PCSK6: variants seen among roughly 807,000 people sequenced by gnomAD.
PCSK6 encodes the protein paired basic amino acid cleaving enzyme 4.
PCSK6 carries 85 observed loss-of-function variants against 123.3 expected under a neutral mutation model. That is an observed-to-expected ratio of 0.69 (90% confidence interval 0.58 to 0.83). PCSK6 has a LOEUF of 0.83. PCSK6 is among the 40% of genes least tolerant of loss of function. The probability of loss-of-function intolerance (pLI) is 0.00; values close to 1 mark genes in which losing one functional copy is unlikely to be tolerated. For missense variants in PCSK6, 1,191 were observed against 1,282.3 expected, an observed-to-expected ratio of 0.93 and a Z score of 1.09; for synonymous variants, 508 against 516.0, an observed-to-expected ratio of 0.98 and a Z score of 0.21.
chr15:101,459,070 A>C (rs1280592133), intron 1 of PCSK6, among the ~76,000 whole-genome samples: 2 of 152,122 alleles, frequency 1.3e-5, no homozygotes, highest in African/African-American at 4.8e-5. Flanking sequence ...ACAGAAGAGA[A>C]ACCCTCTCCA....
chr15:101,322,149 AT>A (rs2141353745), intron 18 of PCSK6, among the ~76,000 whole-genome samples: 1 of 152,282 alleles, frequency 6.6e-6, no homozygotes, highest in South Asian at 2.1e-4. Flanking sequence ...AGACCGAGGG[AT>A]GCAGAGGAGA....
chr15:101,367,073 C>T (rs1170974393), intron 12 of PCSK6, among the ~76,000 whole-genome samples: 2 of 152,170 alleles, frequency 1.3e-5, no homozygotes, highest in Non-Finnish European at 2.9e-5. Context: ...TCCCCCACCC[C>T]CAGCAGTACC....
chr15:101,409,497 A>G (rs554064265), intron 6 of PCSK6, among the ~76,000 whole-genome samples: 1,570 of 151,310 alleles, frequency 0.01, 14 homozygotes, highest in Middle Eastern at 0.017. Flanking sequence ...AGGCAGGAGA[A>G]TGGCGTGAAC....
chr15:101,355,506 C>G (rs117778875), intron 13 of PCSK6, among the ~76,000 whole-genome samples: 1 of 152,226 alleles, frequency 6.6e-6, no homozygotes, highest in Non-Finnish European at 1.5e-5. Flanking sequence ...CCTGGTCAAA[C>G]TGCCTGCAGG....
chr15:101,423,210 T>TA (rs748583082), intron 6 of PCSK6, among the ~76,000 whole-genome samples: 21 of 150,244 alleles, frequency 1.4e-4, no homozygotes, highest in African/African-American at 4.6e-4. Flanking sequence ...TCGGAAACAG[T>TA]AAAAAAAGAG....
chr15:101,390,123 A>G (rs1179915013), intron 8 of PCSK6, among the ~76,000 whole-genome samples: 1 of 152,170 alleles, frequency 6.6e-6, no homozygotes, highest in Non-Finnish European at 1.5e-5. Context: ...AAGCAGATCA[A>G]CCTGGCATGT....
At chr15:101,431,931 AT>A in intron 3 of PCSK6, 58 bp downstream of exon 3, 1 of 1,229,596 alleles carries the variant, frequency 8.1e-7, no homozygotes, top group South Asian at 1.3e-5. Context: ...AAATTAACCC[AT>A]TTCAGAGACC....
chr15:101,445,423 T>C (rs1331543338), intron 1 of PCSK6, among the ~76,000 whole-genome samples: 1 of 152,206 alleles, frequency 6.6e-6, no homozygotes, highest in Non-Finnish European at 1.5e-5. Flanking sequence ...AGCAGGCAGG[T>C]AGTAAGTGCT....
intron 13 of PCSK6, among the ~76,000 whole-genome samples, chr15:101,359,932 TGTAA>T (rs2041161935): frequency 6.6e-6 from 1 of 152,232 alleles, no homozygotes; most frequent in Non-Finnish European, 1.5e-5. Flanking sequence ...CCTGGACTTG[TGTAA>T]GTATCTTTGA....
At chr15:101,342,083 T>C (rs900375325) in intron 13 of PCSK6, among the ~76,000 whole-genome samples, 8 of 133,920 alleles carry the variant, frequency 6.0e-5, no homozygotes, top group African/African-American at 2.2e-4. Flanking sequence ...TGAGCTGACA[T>C]TGTGCCACTG....
intron 13 of PCSK6, among the ~76,000 whole-genome samples, chr15:101,356,894 G>A (rs73493395): frequency 1.3e-5 from 2 of 152,118 alleles, no homozygotes; most frequent in African/African-American, 2.4e-5. Context: ...GATGACTGAT[G>A]TGCTACTCAA....
chr15:101,405,076 C>T (rs2042729577), intron 6 of PCSK6, among the ~76,000 whole-genome samples: 1 of 152,130 alleles, frequency 6.6e-6, no homozygotes, highest in African/African-American at 2.4e-5. Context: ...CATCTATTTT[C>T]CCCAACACTG....
intron 1 of PCSK6, among the ~76,000 whole-genome samples, chr15:101,472,470 T>C (rs189229085): frequency 2.0e-5 from 3 of 152,244 alleles, no homozygotes; most frequent in Non-Finnish European, 4.4e-5. Flanking sequence ...ATCTAATTCA[T>C]GCAACCTGAC....
chr15:101,349,413 C>A (rs368604369), intron 13 of PCSK6, among the ~76,000 whole-genome samples: 5 of 152,312 alleles, frequency 3.3e-5, no homozygotes, highest in Middle Eastern at 3.4e-3. Context: ...TTGCCTCCAG[C>A]GCAGCAACCC....
intron 6 of PCSK6, among the ~76,000 whole-genome samples, chr15:101,422,113 C>T (rs2056101943): frequency 6.6e-6 from 1 of 152,156 alleles, no homozygotes; most frequent in African/African-American, 2.4e-5. Flanking sequence ...CTTTCCATTT[C>T]TTTTGGTGCA....
chr15:101,309,558 C>G (rs1004457985), intron 20 of PCSK6, among the ~76,000 whole-genome samples: 14 of 152,386 alleles, frequency 9.2e-5, no homozygotes, highest in Non-Finnish European at 1.8e-4. Flanking sequence ...AGAGGCCACT[C>G]CCATCAGCCT....
At chr15:101,464,320 C>T (rs143249191) in intron 1 of PCSK6, among the ~76,000 whole-genome samples, 6 of 152,092 alleles carry the variant, frequency 3.9e-5, no homozygotes, top group Non-Finnish European at 8.8e-5. Context: ...GGGCTCCAAG[C>T]GGGACGAAAT....
chr15:101,327,580 T>C (rs953626676), intron 15 of PCSK6, among the ~76,000 whole-genome samples: 2 of 152,168 alleles, frequency 1.3e-5, no homozygotes, highest in African/African-American at 2.4e-5. Flanking sequence ...GTGTGAGTTA[T>C]GAGAGGGGAT....
chr15:101,399,824 A>G lies in PCSK6; in HGVS notation c.824-1248T>C, dbSNP rs947471194. Among the ~76,000 whole-genome samples, 3 of 152,118 alleles carry G rather than the reference A, an allele frequency of 2.0e-5. No homozygotes were observed. In the East Asian group the frequency reaches 5.8e-4, roughly 29 times the overall value. ...ACTTGACACCCACAGCTCCCCACTC[A>G]GAGGCCCCCGGGAGCCCCTCACCCA... On this transcript the variant is annotated intron_variant, in intron 6 of 21. Transcript: ENST00000611716.
Sources: gnomAD v4.1 joint callset for allele counts (sites outside exome capture counted in the v4.1 genomes callset) on GRCh38, gnomAD v4.1.1 for gene constraint, MANE v1.5 for transcripts, NCBI Gene and HGNC (gene_info 2026-07-23, HGNC 2026-07-21) for gene names.